ARAP2: variants seen among roughly 807,000 people sequenced by gnomAD.
The protein encoded by ARAP2 is arf-GAP with Rho-GAP domain, ANK repeat and PH domain-containing protein 2.
Under a neutral mutation model 194.5 loss-of-function variants are expected in ARAP2, and 148 were observed. That is an observed-to-expected ratio of 0.76 (90% CI 0.67 to 0.87). ARAP2 has a LOEUF of 0.87. Ranked by LOEUF, ARAP2 falls within the 40% of genes least tolerant of loss-of-function variation. The probability of loss-of-function intolerance (pLI) is 0.00; values close to 1 mark genes in which losing one functional copy is unlikely to be tolerated. For synonymous variants in ARAP2, 695 were observed against 683.5 expected (o/e 1.02, Z -0.26); for missense variants, 2,128 against 1,989.7 (o/e 1.07, Z -1.32).
chr4:36,240,665 AC>A (rs1235183773), intron 1 of ARAP2, among the ~76,000 whole-genome samples: 1 of 152,246 alleles, frequency 6.6e-6, no homozygotes, highest in Non-Finnish European at 1.5e-5. Flanking sequence ...CTGGTAAGCA[AC>A]AAGCATTTAA....
chr4:36,169,599 C>T (rs193122252), intron 9 of ARAP2, among the ~76,000 whole-genome samples: 148 of 150,810 alleles, frequency 9.8e-4, no homozygotes, highest in African/African-American at 3.3e-3. Context: ...GGCACGATCT[C>T]GGCTCACTGC....
At chr4:36,172,947 A>G (rs1329529747) in intron 9 of ARAP2, among the ~76,000 whole-genome samples, 2 of 152,262 alleles carry the variant, frequency 1.3e-5, no homozygotes, top group East Asian at 3.9e-4. Context: ...AGGTCTATTT[A>G]AATTCTATTA....
At chr4:36,077,353 T>C (rs973012145) in intron 31 of ARAP2, among the ~76,000 whole-genome samples, 5 of 152,044 alleles carry the variant, frequency 3.3e-5, no homozygotes, top group Admixed American at 6.6e-5. Flanking sequence ...AACTGCGCAT[T>C]CTGCACTAGC....
At chr4:36,083,988 C>A (rs575816370) in intron 28 of ARAP2, among the ~76,000 whole-genome samples, 1 of 152,216 alleles carries the variant, frequency 6.6e-6, no homozygotes, top group South Asian at 2.1e-4. Context: ...ATGCTTCCTG[C>A]CCTTGAACAT....
At chr4:36,076,141 C>A (rs552699699) in intron 31 of ARAP2, among the ~76,000 whole-genome samples, 4 of 152,220 alleles carry the variant, frequency 2.6e-5, no homozygotes, top group Non-Finnish European at 4.4e-5. Context: ...TAACTTTTAT[C>A]CAGTCATATC....
At chr4:36,203,763 G>A (rs990023698) in intron 6 of ARAP2, among the ~76,000 whole-genome samples, 12 of 152,086 alleles carry the variant, frequency 7.9e-5, no homozygotes, top group African/African-American at 2.7e-4. Flanking sequence ...CAGAGCCTAC[G>A]GTGCTTCCGA....
At chr4:36,016,860 T>C (rs572093556) in intron 6 of ARAP2, among the ~76,000 whole-genome samples, 141 of 152,238 alleles carry the variant, frequency 9.3e-4, no homozygotes, top group African/African-American at 3.2e-3. Flanking sequence ...TCACCCTTAT[T>C]CAATGAAAAA....
chr4:36,120,402 G>C (rs958441232), intron 23 of ARAP2, among the ~76,000 whole-genome samples: 1 of 151,480 alleles, frequency 6.6e-6, no homozygotes, highest in Non-Finnish European at 1.5e-5. Context: ...TAATAAGAAC[G>C]TAAGAACTCT....
intron 9 of ARAP2, among the ~76,000 whole-genome samples, chr4:36,010,435 G>T (rs1213631085): frequency 1.3e-5 from 2 of 151,940 alleles, no homozygotes. Flanking sequence ...GACCAGTAAG[G>T]AGCCATCTAC....
At chr4:36,215,802 A>AT (rs2109292755) in intron 2 of ARAP2, among the ~76,000 whole-genome samples, 1 of 151,996 alleles carries the variant, frequency 6.6e-6, no homozygotes. Flanking sequence ...GTGACCCATG[A>AT]TCGTGCCACT....
At chr4:36,069,953 C>T (rs188903448) in intron 32 of ARAP2, among the ~76,000 whole-genome samples, 8 of 152,216 alleles carry the variant, frequency 5.3e-5, no homozygotes, top group Non-Finnish European at 7.4e-5. Context: ...TCTCTTGCTT[C>T]TGCTCCAGCC....
intron 6 of ARAP2, among the ~76,000 whole-genome samples, chr4:36,203,436 T>C: frequency 6.6e-6 from 1 of 151,964 alleles, no homozygotes; most frequent in East Asian, 1.9e-4. Flanking sequence ...ATACAAAAAT[T>C]AGCCAGGCAT....
chr4:36,081,413 C>T (rs1270823608), intron 30 of ARAP2, among the ~76,000 whole-genome samples: 1 of 152,116 alleles, frequency 6.6e-6, no homozygotes, highest in South Asian at 2.1e-4. Flanking sequence ...ACATGCAGAT[C>T]TGAAACAGCA....
At chr4:36,095,159 G>C (rs548968877) in intron 27 of ARAP2, among the ~76,000 whole-genome samples, 1 of 152,044 alleles carries the variant, frequency 6.6e-6, no homozygotes, top group Non-Finnish European at 1.5e-5. Flanking sequence ...ACAATTTTCC[G>C]CCCATGGCCC....
chr4:36,012,268 C>G lies in ARAP2; in HGVS notation n.1325+295G>C, dbSNP rs1335961337. On this transcript the variant is annotated intron_variant and non_coding_transcript_variant, in intron 9 of 12. Transcript: ENST00000503225. ...TGACTTTAAAACATTTTATTCTTGTCAGGTGCAACTTGGACCTTAGGTCAA... is the reference window on the plus strand; with the variant it reads ...TGACTTTAAAACATTTTATTCTTGTGAGGTGCAACTTGGACCTTAGGTCAA... Among the ~76,000 whole-genome samples the G allele has an allele frequency of 3.9e-5, 6 of 152,140 alleles. No homozygotes were observed. The East Asian group carries it at 1.2e-3, about 29-fold the overall frequency.
intron 9 of ARAP2, among the ~76,000 whole-genome samples, chr4:36,173,703 T>G (rs964774815): frequency 1.3e-5 from 2 of 152,124 alleles, no homozygotes; most frequent in Admixed American, 1.3e-4. Flanking sequence ...AAAAAACTCT[T>G]CTGTGAAAAT....
At chr4:36,172,794 GA>G (rs1250612763) in intron 9 of ARAP2, among the ~76,000 whole-genome samples, 1 of 152,206 alleles carries the variant, frequency 6.6e-6, no homozygotes, top group Non-Finnish European at 1.5e-5. Context: ...GTTGAAAACA[GA>G]TGTGGCATTG....
intron 2 of ARAP2, among the ~76,000 whole-genome samples, chr4:36,227,227 C>T (rs1750525023): frequency 6.6e-6 from 1 of 152,084 alleles, no homozygotes; most frequent in Admixed American, 6.6e-5. Context: ...TGAACATTAC[C>T]TACTCCATGT....
At chr4:36,127,118 G>C (rs1724126166) in intron 21 of ARAP2, among the ~76,000 whole-genome samples, 1 of 152,022 alleles carries the variant, frequency 6.6e-6, no homozygotes. Flanking sequence ...TTATAGGCGT[G>C]AGCCACTGTG....
Sources: gnomAD v4.1 joint callset for allele counts (sites outside exome capture counted in the v4.1 genomes callset) on GRCh38, gnomAD v4.1.1 for gene constraint, MANE v1.5 for transcripts, NCBI Gene and HGNC (gene_info 2026-07-23, HGNC 2026-07-21) for gene names.